The following METTL14 variants were observed in gnomAD, a reference collection of about 807,000 sequenced individuals.
METTL14 encodes N(6)-adenosine-methyltransferase non-catalytic subunit METTL14.
Under a neutral mutation model 62.4 loss-of-function variants are expected in METTL14, and 32 were observed. That is an observed-to-expected ratio of 0.51 (90% CI 0.39 to 0.69). The LOEUF is 0.69. Among genes scored for constraint, METTL14 ranks in the 30% least tolerant of loss-of-function variants. The pLI, the probability that METTL14 is intolerant of heterozygous loss-of-function variation, is 0.00. For missense variants in METTL14, 340 were observed against 551.9 expected (o/e 0.62, Z 3.85); for synonymous variants, 150 against 180.0 (o/e 0.83, Z 1.34).
chr4:118,699,426 A>G (rs1724520100), intron 7 of METTL14, among the ~76,000 whole-genome samples: 1 of 152,200 alleles, frequency 6.6e-6, no homozygotes, highest in Admixed American at 6.5e-5. Flanking sequence ...AAGATTAGAG[A>G]CTTAATGCTC....
chr4:118,688,036 T>TC (rs1427929178), intron 2 of METTL14, 25 bp downstream of exon 2: 2 of 1,580,152 alleles, frequency 1.3e-6, no homozygotes, highest in East Asian at 2.2e-5. Context: ...TCTTTTTTTT[T>TC]TTTTTTTTGA....
chr4:118,690,007 T>C (rs1226718999), intron 3 of METTL14, among the ~76,000 whole-genome samples: 1 of 150,562 alleles, frequency 6.6e-6, no homozygotes, highest in African/African-American at 2.4e-5. Flanking sequence ...CTTAGCATAA[T>C]GTCTGGTAAG....
chr4:118,696,941 A>T (rs1724430148), intron 6 of METTL14, among the ~76,000 whole-genome samples: 1 of 152,148 alleles, frequency 6.6e-6, no homozygotes, highest in Admixed American at 6.5e-5. Context: ...TATGTAGTTT[A>T]ATTACGTTCA....
intron 6 of METTL14, among the ~76,000 whole-genome samples, chr4:118,696,117 C>CAAAAAAAAAAAAAAAAAAAAAAAAA (rs70941201): frequency 2.9e-5 from 1 of 33,910 alleles, no homozygotes; most frequent in African/African-American, 1.7e-4. Flanking sequence ...GACTCTGTCT[C>CAAAAAAAAAAAAAAAAAAAAAAAAA]AAAAAAAAAA....
chr4:118,715,249 TTTG>T lies in METTL14; in HGVS notation c.*4953_*4955del, dbSNP rs1213715310. The T allele has an allele frequency of 3.9e-5, 6 of 152,222 alleles. No homozygotes were observed. Among genetic ancestry groups the T allele is most frequent in the African/African-American group, 9.6e-5 (4 of 41,460 alleles). 9.4% of individuals were successfully genotyped at this position (152,222 alleles called of 1,614,324 possible). A position where few individuals can be genotyped will look rare whatever the true frequency, so the allele number is the denominator to read the frequency against. ...TATCCTGCCTTTTCTGGGTGTTTAT[TTTG>T]TTGTTTTTGAAAGTGGACAAAACCT... On this transcript the variant is annotated 3_prime_UTR_variant, in exon 11 of 11. Transcript: ENST00000388822.
At chr4:118,687,069 T>C (rs1249868879) in intron 1 of METTL14, among the ~76,000 whole-genome samples, 1 of 152,246 alleles carries the variant, frequency 6.6e-6, no homozygotes, top group East Asian at 1.9e-4. Flanking sequence ...TATAAGCTGA[T>C]GCCTACAAAA....
intron 1 of METTL14, among the ~76,000 whole-genome samples, chr4:118,687,686 T>G (rs1479551759): frequency 6.6e-6 from 1 of 152,216 alleles, no homozygotes; most frequent in Non-Finnish European, 1.5e-5. Context: ...GCTGTATAAC[T>G]GAAAGCATAA....
At chr4:118,700,790 A>C (rs1167905087) in intron 8 of METTL14, 148 bp downstream of exon 8, 1 of 560,362 alleles carries the variant, frequency 1.8e-6, no homozygotes. Flanking sequence ...AATGTCCAGA[A>C]AAGAACGTAA....
intron 8 of METTL14, among the ~76,000 whole-genome samples, chr4:118,703,454 A>T (rs1403380159): frequency 6.6e-6 from 1 of 152,234 alleles, no homozygotes; most frequent in Non-Finnish European, 1.5e-5. Flanking sequence ...GAACATTTTT[A>T]CAGTTGTATT....
rs769891228 is a variant in METTL14, at chr4:118,713,540, G to A, written c.*3238G>A. ...ATTAACATGACAAAATGAAAGCCCT[G>A]TTGGGACTTAGTCTAAACAGTAGTC... On this transcript the variant is annotated 3_prime_UTR_variant, in exon 11 of 11. Transcript: ENST00000388822. 5 of 152,146 alleles carry A rather than the reference G, an allele frequency of 3.3e-5. No individual in the cohort carries two copies. Among genetic ancestry groups the A allele is most frequent in the South Asian group, 2.1e-4 (1 of 4,822 alleles). The allele number at this position is 152,146 out of a possible 1,614,324, so 9.4% of individuals were successfully genotyped here.
At chr4:118,692,637 T>C (rs1724285288) in intron 5 of METTL14, among the ~76,000 whole-genome samples, 1 of 152,184 alleles carries the variant, frequency 6.6e-6, no homozygotes, top group Non-Finnish European at 1.5e-5. Context: ...TCCAGTTTGG[T>C]ATTATGCCTA....
chr4:118,710,753 A>C lies in METTL14; in HGVS notation c.*451A>C, dbSNP rs1245634560. 1 of 152,504 alleles carries C rather than the reference A, an allele frequency of 6.6e-6. No individual in the cohort carries two copies. Among genetic ancestry groups the C allele is most frequent in the Non-Finnish European group, 1.5e-5 (1 of 68,334 alleles). The allele number at this position is 152,504 out of a possible 1,614,324, so 9.4% of individuals were successfully genotyped here. A position where few individuals can be genotyped will look rare whatever the true frequency, so the allele number is the denominator to read the frequency against. ...CTTGATGAAACAATAAAAAGAGGTA[A>C]GCTTTTTTCTTCTTTTTTTTTAAGT... On this transcript the variant is annotated 3_prime_UTR_variant, in exon 11 of 11. Transcript: ENST00000388822.
At position 118,685,607 on chromosome 4, in the gene METTL14, G is replaced by T. The variant is rs1024210446; in HGVS notation, c.66+7G>T. 4.3e-6 allele frequency: 7 copies of T among 1,613,754 alleles called. No homozygotes were observed. The East Asian group carries it at 1.6e-4, about 36-fold the overall frequency. ...ACAGCTCCTCGCGCAGCAGGTCCGC[G>T]GCCCTGGTGTCCCCTGTGGGAGGGA... On this transcript the variant is annotated splice_region_variant and intron_variant, in intron 1 of 10. Transcript: ENST00000388822.
chr4:118,702,282 A>C (rs1289985154), intron 8 of METTL14, among the ~76,000 whole-genome samples: 3 of 151,830 alleles, frequency 2.0e-5, no homozygotes, highest in African/African-American at 7.3e-5. Context: ...TATTTACTTA[A>C]TGTAGCAGTT....
At chr4:118,693,800 A>G (rs908926844) in intron 5 of METTL14, among the ~76,000 whole-genome samples, 3 of 152,158 alleles carry the variant, frequency 2.0e-5, no homozygotes, top group Non-Finnish European at 2.9e-5. Context: ...AAATTTGACT[A>G]TAATAAAATC....
chr4:118,687,356 A>G lies in METTL14; in HGVS notation c.67-567A>G, dbSNP rs974592975. Among the ~76,000 whole-genome samples, 5 of 152,210 alleles carry G rather than the reference A, an allele frequency of 3.3e-5. 1 individual carries two copies. In the South Asian group the frequency reaches 1.0e-3, roughly 32 times the overall value. ...GATTTTGGAGCGTTTTGGATTTTGG[A>G]TTTTCAGATTTGGAATGCTCATTTT... On this transcript the variant is annotated intron_variant, in intron 1 of 10. Coordinates refer to ENST00000388822, the MANE Select transcript of METTL14 (RefSeq NM_020961.4).
chr4:118,704,067 ATTTG>A lies in METTL14; in HGVS notation c.855+20_855+23del, dbSNP rs1277762898. 2.7e-6 allele frequency: 4 copies of A among 1,462,558 alleles called. No homozygotes were observed. The East Asian group carries it at 9.2e-5, about 34-fold the overall frequency. 90.6% of individuals were successfully genotyped at this position (1,462,558 alleles called of 1,614,324 possible). A position where few individuals can be genotyped will look rare whatever the true frequency, so the allele number is the denominator to read the frequency against. On this transcript the variant is annotated intron_variant, in intron 9 of 10. Coordinates refer to ENST00000388822, the MANE Select transcript of METTL14 (RefSeq NM_020961.4). ...GAGAACAAAGGTATTGCCTTTACTG[ATTTG>A]TTTTTTTTAATTTTTGTGATTTTCT...
intron 5 of METTL14, 50 bp from the exon 6 acceptor site, chr4:118,694,386 T>C (rs1486327510): frequency 6.9e-7 from 1 of 1,445,366 alleles, no homozygotes; most frequent in South Asian, 1.2e-5. Flanking sequence ...GAATTACTGA[T>C]ATTAACTTCA....
rs1724296951 is a variant in METTL14, at chr4:118,692,870, T to C, written c.412+802T>C. 2.0e-5 allele frequency among the ~76,000 whole-genome samples: 3 copies of C among 152,202 alleles called. No homozygotes were observed. In the South Asian group the frequency reaches 6.2e-4, roughly 32 times the overall value. On this transcript the variant is annotated intron_variant, in intron 5 of 10. Transcript: ENST00000388822. ...CAGCCTTAAGTATCTGCTGATCTAC[T>C]TTCTATTTCTATACGTTTGCCTATT... is the stretch of plus-strand genomic sequence containing the variant.
Sources: allele counts gnomAD v4.1 joint callset (sites outside exome capture counted in the v4.1 genomes callset), GRCh38; gene constraint gnomAD v4.1.1; transcripts MANE v1.5; gene names NCBI Gene and HGNC (gene_info 2026-07-23, HGNC 2026-07-21).